UPF1: variants seen among roughly 807,000 people sequenced by gnomAD.
The protein encoded by UPF1 is UPF1 RNA helicase and ATPase.
Under a neutral mutation model 129.2 loss-of-function variants are expected in UPF1, and 9 were observed. That is an observed-to-expected ratio of 0.07 (90% CI 0.04 to 0.12). The LOEUF is 0.12. Among genes scored for constraint, UPF1 ranks in the 10% least tolerant of loss-of-function variants. The pLI is 1.00. For missense variants in UPF1, 788 were observed against 1,525.3 expected, an observed-to-expected ratio of 0.52 and a Z score of 8.05; for synonymous variants, 649 against 644.9, an observed-to-expected ratio of 1.01 and a Z score of -0.10.
Position 18,832,280 on chromosome 19 carries a change from T to C in UPF1, c.71T>C (p.Leu24Pro). The C allele has an allele frequency of 6.5e-7, 1 of 1,546,244 alleles. No individual in the cohort carries two copies. Among genetic ancestry groups the C allele is most frequent in the Non-Finnish European group, 8.7e-7 (1 of 1,145,796 alleles). Residue 24 changes from leucine to proline, a missense_variant, in exon 1 of 24, where the codon CTT becomes CCT. Physicochemically the swap from Leu to Pro is moderately conservative, Grantham distance 98. Around this residue, in one of 6 missense-constraint regions of UPF1, gnomAD observed 112 missense variants for 128.2 expected, o/e 0.87. Coordinates refer to ENST00000262803, the MANE Select transcript of UPF1 (RefSeq NM_002911.4). This position sits in a 1 kb window ranked among gnomAD's most constrained non-coding sequence, Gnocchi z 5.6. ...TFLDTEEAEL[L>P]GADTQGSEFE... ...CTGGACACGGAGGAGGCCGAGCTGC[T>C]TGGCGCCGACACACAGGGCTCCGAG... is the stretch of plus-strand genomic sequence containing the variant.
chr19:18,862,192 C>T (rs777991358), intron 18 of UPF1, 40 bp downstream of exon 18: 13 of 1,603,692 alleles, frequency 8.1e-6, no homozygotes, highest in East Asian at 2.2e-5. Context: ...AGCCGCTCAT[C>T]GGTCCTCACT....
At chr19:18,854,495 TAAG>T (rs1601116071) in intron 8 of UPF1, 103 bp from the exon 9 acceptor site, 6 of 860,166 alleles carry the variant, frequency 7.0e-6, no homozygotes, top group Non-Finnish European at 1.1e-5. Context: ...AGCGGTGTCT[TAAG>T]TAACTAAATT....
Position 18,832,055 on chromosome 19 carries a change from C to G in UPF1, c.-155C>G. On this transcript the variant is annotated 5_prime_UTR_variant, in exon 1 of 24. Coordinates refer to ENST00000262803, the MANE Select transcript of UPF1 (RefSeq NM_002911.4). This position sits in a 1 kb window ranked among gnomAD's most constrained non-coding sequence, Gnocchi z 5.6. ...CGGCGGCGGCTCGGCACTGTTACCT[C>G]TCGGTCCGGCTGGCGCCGGGGCGCG... The G allele has an allele frequency of 4.7e-6, 3 of 636,278 alleles. No homozygotes were observed. Among genetic ancestry groups the G allele is most frequent in the Non-Finnish European group, 6.8e-6 (3 of 443,976 alleles). The allele number at this position is 636,278 out of a possible 1,614,324, so 39.4% of individuals were successfully genotyped here.
intron 1 of UPF1, among the ~76,000 whole-genome samples, chr19:18,839,127 T>C (rs2145934063): frequency 6.6e-6 from 1 of 152,308 alleles, no homozygotes; most frequent in African/African-American, 2.4e-5. Context: ...AGTCTCGCAC[T>C]GTCGCCCAGG....
At chr19:18,842,802 C>G (rs2055555178) in intron 1 of UPF1, among the ~76,000 whole-genome samples, 1 of 151,908 alleles carries the variant, frequency 6.6e-6, no homozygotes, top group African/African-American at 2.4e-5. Flanking sequence ...GAGTTCGAGA[C>G]CAGCCAGACC....
Position 18,850,285 on chromosome 19 carries a change from C to T in UPF1, c.629+43C>T, listed in dbSNP as rs906021827. On this transcript the variant is annotated intron_variant, in intron 4 of 23. Transcript: ENST00000262803. The surrounding 1 kb of genome is among the most constrained non-coding windows in gnomAD (Gnocchi z 7.1). ...GTCTCCTGGGGGTGACCTTTAAGCT[C>T]CAGCCGTCTCCTCACAAGCCTTGGC... The T allele has an allele frequency of 3.3e-6, 5 of 1,528,798 alleles. No homozygotes were observed. Among genetic ancestry groups the T allele is most frequent in the Admixed American group, 4.3e-5 (2 of 46,824 alleles). 94.7% of individuals were successfully genotyped at this position (1,528,798 alleles called of 1,614,324 possible).
chr19:18,858,377 G>A (rs999371789), intron 15 of UPF1, among the ~76,000 whole-genome samples: 8 of 152,080 alleles, frequency 5.3e-5, no homozygotes, highest in African/African-American at 1.9e-4. Context: ...GGTCTGTGGG[G>A]GTGACAGATG....
At chr19:18,839,558 T>A (rs1257518904) in intron 1 of UPF1, among the ~76,000 whole-genome samples, 1 of 151,948 alleles carries the variant, frequency 6.6e-6, no homozygotes, top group African/African-American at 2.4e-5. Flanking sequence ...GTTAGGGAGG[T>A]GTGTCCACCG....
chr19:18,863,160 C>T (rs770901632), intron 18 of UPF1: 17 of 370,874 alleles, frequency 4.6e-5, no homozygotes, highest in Non-Finnish European at 7.4e-5. Flanking sequence ...AAGGCCGACT[C>T]TCTTGACAGC....
chr19:18,855,691 T>A, intron 11 of UPF1: 1 of 579,290 alleles, frequency 1.7e-6, no homozygotes, highest in Non-Finnish European at 3.0e-6. Flanking sequence ...AAAAAAAAAA[T>A]TCAGAAATTA....
At chr19:18,855,751 G>T in intron 11 of UPF1, 174 bp from the exon 12 acceptor site, 1 of 874,806 alleles carries the variant, frequency 1.1e-6, no homozygotes, top group Non-Finnish European at 1.7e-6. Flanking sequence ...AGGAGGCTGA[G>T]GTGGGAGGAT....
chr19:18,835,585 T>G (rs2055475406), intron 1 of UPF1, among the ~76,000 whole-genome samples: 1 of 152,202 alleles, frequency 6.6e-6, no homozygotes, highest in Non-Finnish European at 1.5e-5. Flanking sequence ...TGTGGTCCAC[T>G]TGCCTCGGCC....
chr19:18,864,736 T>TTTG (rs2055821515), intron 20 of UPF1, among the ~76,000 whole-genome samples: 1 of 136,150 alleles, frequency 7.3e-6, no homozygotes, highest in Non-Finnish European at 1.6e-5. Flanking sequence ...TGCAGGTGTT[T>TTTG]TTTTTTTTTT....
At chr19:18,842,848 G>A (rs1423649383) in intron 1 of UPF1, among the ~76,000 whole-genome samples, 2 of 152,006 alleles carry the variant, frequency 1.3e-5, no homozygotes, top group Non-Finnish European at 2.9e-5. Flanking sequence ...AAAAATAGGC[G>A]TGGTGGCGCA....
At chr19:18,842,052 C>A (rs764723011) in intron 1 of UPF1, among the ~76,000 whole-genome samples, 21 of 152,134 alleles carry the variant, frequency 1.4e-4, no homozygotes, top group Non-Finnish European at 3.1e-4. Context: ...AGCTATGATT[C>A]TACCACTGCA....
chr19:18,864,901 G>C (rs2055825367), intron 20 of UPF1, among the ~76,000 whole-genome samples: 1 of 151,614 alleles, frequency 6.6e-6, no homozygotes, highest in African/African-American at 2.4e-5. Flanking sequence ...ACCATGCCCG[G>C]CTAGTTTTTG....
intron 1 of UPF1, among the ~76,000 whole-genome samples, chr19:18,844,303 G>GA (rs993849730): frequency 1.3e-5 from 2 of 149,950 alleles, no homozygotes; most frequent in African/African-American, 4.9e-5. Flanking sequence ...GGGGGCCGGG[G>GA]GGGGGTTTGG....
chr19:18,862,286 CA>C, intron 18 of UPF1, 134 bp downstream of exon 18: 1 of 1,373,146 alleles, frequency 7.3e-7, no homozygotes, highest in Non-Finnish European at 9.8e-7. Flanking sequence ...AACGATGTCT[CA>C]CTGGAGAGAT....
At chr19:18,845,795 C>A (rs1028852355) in intron 1 of UPF1, among the ~76,000 whole-genome samples, 185 bp from the exon 2 acceptor site, 1 of 152,128 alleles carries the variant, frequency 6.6e-6, no homozygotes, top group Non-Finnish European at 1.5e-5. Flanking sequence ...TGTAGAAGGC[C>A]ACCAGTGGCC....
Sources: allele counts gnomAD v4.1 joint callset (sites outside exome capture counted in the v4.1 genomes callset), GRCh38; gene constraint gnomAD v4.1.1; regional missense constraint gnomAD v4.1.1; non-coding constraint Gnocchi (gnomAD v3.1); transcripts MANE v1.5; gene names NCBI Gene and HGNC (gene_info 2026-07-23, HGNC 2026-07-21).